TDRD9: variants seen among roughly 807,000 people sequenced by gnomAD.
TDRD9 encodes the protein tudor domain containing 9.
Under a neutral mutation model 172.6 loss-of-function variants are expected in TDRD9, and 124 were observed. The ratio of observed to expected loss-of-function variants is 0.72; its 90% CI spans 0.62 to 0.83. The LOEUF is 0.83. Among genes scored for constraint, TDRD9 ranks in the 40% least tolerant of loss-of-function variants. The probability of loss-of-function intolerance (pLI) is 0.00; values close to 1 mark genes in which losing one functional copy is unlikely to be tolerated. For synonymous variants in TDRD9, 619 were observed against 617.1 expected (o/e 1.00, Z -0.05); for missense variants, 1,479 against 1,714.1 (o/e 0.86, Z 2.42).
At chr14:103,998,562 G>A in intron 12 of TDRD9, 62 bp from the exon 13 acceptor site, 1 of 918,484 alleles carries the variant, frequency 1.1e-6, no homozygotes. Context: ...TATGCATTGT[G>A]ATTTATTATG....
chr14:103,952,836 T>G (rs1392393606), intron 1 of TDRD9, among the ~76,000 whole-genome samples: 1 of 150,622 alleles, frequency 6.6e-6, no homozygotes, highest in Non-Finnish European at 1.5e-5. Context: ...CCTCTAGGTT[T>G]CAGGCAAATT....
rs1224303653 is a variant in TDRD9, at chr14:103,980,674, C to T, written c.1011+5121C>T. ...GGAGCAGAGTCTTCTCTAAACTACC[C>T]CAGGGAAAGGGAGACTCCCTTTCCC... On this transcript the variant is annotated intron_variant, in intron 7 of 35. Coordinates refer to ENST00000409874, the MANE Select transcript of TDRD9 (RefSeq NM_153046.3). The surrounding 1 kb of genome is among the most constrained non-coding windows in gnomAD (Gnocchi z 4.5). 6.6e-6 allele frequency among the ~76,000 whole-genome samples: 1 copy of T among 152,078 alleles called. No homozygotes were observed. The highest frequency in any genetic ancestry group is 1.5e-5 in the Non-Finnish European group (1 of 68,000).
intron 20 of TDRD9, among the ~76,000 whole-genome samples, chr14:104,010,576 T>G (rs1484981417): frequency 6.6e-6 from 1 of 151,678 alleles, no homozygotes; most frequent in Non-Finnish European, 1.5e-5. Context: ...TTCCTTTTTT[T>G]TTTTTTTTGC....
chr14:104,002,353 C>G (rs952332444), intron 13 of TDRD9, among the ~76,000 whole-genome samples: 2 of 148,502 alleles, frequency 1.3e-5, no homozygotes, highest in African/African-American at 4.9e-5. Flanking sequence ...AAATTTTAGA[C>G]AAATTAAATT....
At chr14:103,983,909 G>C (rs751930518) in intron 7 of TDRD9, among the ~76,000 whole-genome samples, 3 of 152,220 alleles carry the variant, frequency 2.0e-5, no homozygotes, top group Non-Finnish European at 4.4e-5. Flanking sequence ...TGAAATCCAG[G>C]CTGAGGTGGT....
chr14:104,028,007 C>T (rs930007282), intron 28 of TDRD9, among the ~76,000 whole-genome samples: 4 of 152,288 alleles, frequency 2.6e-5, no homozygotes, highest in South Asian at 4.1e-4. Context: ...GGCTCATCCA[C>T]GTTGCCAAGA....
intron 20 of TDRD9, among the ~76,000 whole-genome samples, chr14:104,009,084 C>T (rs1209219487): frequency 1.3e-5 from 2 of 152,194 alleles, no homozygotes; most frequent in East Asian, 1.9e-4. Context: ...GCCCACTACA[C>T]GCCTAGGCTG....
intron 7 of TDRD9, among the ~76,000 whole-genome samples, chr14:103,977,280 A>G (rs2033282388): frequency 6.6e-6 from 1 of 151,994 alleles, no homozygotes; most frequent in Non-Finnish European, 1.5e-5. Flanking sequence ...TCACCAGGTC[A>G]GGAGATCGAG....
At chr14:103,934,101 T>TG (rs1227850605) in intron 1 of TDRD9, among the ~76,000 whole-genome samples, 2 of 152,142 alleles carry the variant, frequency 1.3e-5, no homozygotes, top group Non-Finnish European at 2.9e-5. Context: ...GCTGCAGCCT[T>TG]GAACTCCTGT....
intron 6 of TDRD9, among the ~76,000 whole-genome samples, chr14:103,972,424 C>G (rs984364716): frequency 6.6e-6 from 1 of 152,108 alleles, no homozygotes; most frequent in Non-Finnish European, 1.5e-5. Context: ...ATTTGAGAGA[C>G]GTAAGTAGAG....
chr14:103,940,701 T>C (rs1324898324), intron 1 of TDRD9: 5 of 716,916 alleles, frequency 7.0e-6, no homozygotes, highest in Non-Finnish European at 1.1e-5. Context: ...ATCCACAGGA[T>C]ACTGACCTTG....
At chr14:104,050,252 G>T (rs1035415408) in intron 35 of TDRD9, among the ~76,000 whole-genome samples, 42 of 152,190 alleles carry the variant, frequency 2.8e-4, no homozygotes, top group African/African-American at 9.6e-4. Flanking sequence ...CTCTCTTAGG[G>T]CACAAATCCC....
At chr14:104,046,829 G>A (rs374198420) in intron 34 of TDRD9, among the ~76,000 whole-genome samples, 1 of 152,012 alleles carries the variant, frequency 6.6e-6, no homozygotes, top group Admixed American at 6.6e-5. Flanking sequence ...TGTATTTTTA[G>A]TAGAGACGGG....
intron 2 of TDRD9, among the ~76,000 whole-genome samples, chr14:103,960,143 A>C (rs1442422142): frequency 1.3e-5 from 2 of 152,246 alleles, no homozygotes; most frequent in Admixed American, 1.3e-4. Context: ...ATCTATTTGG[A>C]AGATTTAATT....
intron 20 of TDRD9, 115 bp from the exon 21 acceptor site, chr14:104,014,610 T>G: frequency 1.7e-6 from 1 of 586,162 alleles, no homozygotes; most frequent in Non-Finnish European, 3.1e-6. Context: ...GCTGCAGTGT[T>G]TCATTCTGTA....
At chr14:103,968,620 C>A (rs2032859597) in intron 5 of TDRD9, among the ~76,000 whole-genome samples, 1 of 148,834 alleles carries the variant, frequency 6.7e-6, no homozygotes, top group African/African-American at 2.5e-5. Context: ...CATGGTGAAA[C>A]CCCATCTCTA....
At chr14:104,024,754 A>G in intron 25 of TDRD9, 74 bp downstream of exon 25, 1 of 48,582 alleles carries the variant, frequency 2.1e-5, no homozygotes, top group South Asian at 4.8e-4. Context: ...AAGTTTACAC[A>G]CACACACACA....
chr14:103,944,020 A>G (rs1340942164), intron 1 of TDRD9, among the ~76,000 whole-genome samples: 2 of 152,224 alleles, frequency 1.3e-5, no homozygotes, highest in Non-Finnish European at 2.9e-5. Flanking sequence ...CAAATTTTAT[A>G]CTAAAATTAC....
chr14:104,038,031 C>G (rs1233669496), intron 32 of TDRD9, among the ~76,000 whole-genome samples: 2 of 152,174 alleles, frequency 1.3e-5, no homozygotes, highest in Admixed American at 6.5e-5. Context: ...AGAACACGCT[C>G]TTATTGGTGT....
Sources: gnomAD v4.1 joint callset for allele counts (sites outside exome capture counted in the v4.1 genomes callset) on GRCh38, gnomAD v4.1.1 for gene constraint, Gnocchi (gnomAD v3.1) non-coding constraint, MANE v1.5 for transcripts, NCBI Gene and HGNC (gene_info 2026-07-23, HGNC 2026-07-21) for gene names.